Variants in HTR1A observed in about 807,000 individuals in gnomAD.
The protein encoded by HTR1A is 5-hydroxytryptamine receptor 1A.
Under a neutral mutation model 24.6 loss-of-function variants are expected in HTR1A, and 17 were observed. The observed-to-expected ratio is 0.69, with a 90% CI of 0.47 to 1.04. The LOEUF (loss-of-function observed/expected upper bound fraction) is 1.04. Ranked by LOEUF, HTR1A falls within the 50% of genes least tolerant of loss-of-function variation. HTR1A has a pLI of 0.00. For missense variants in HTR1A, 515 were observed against 565.1 expected (o/e 0.91, Z 0.90); for synonymous variants, 262 against 244.6 (o/e 1.07, Z -0.67).
At position 63,961,366 on chromosome 5, in the gene HTR1A, C is replaced by G; in HGVS notation, c.354G>C (p.Leu118=). The G allele has an allele frequency of 6.2e-7, 1 of 1,614,008 alleles. No homozygotes were observed. Among genetic ancestry groups the G allele is most frequent in the Non-Finnish European group, 8.5e-7 (1 of 1,179,904 alleles). Residue 118 remains leucine, a synonymous_variant, in exon 1 of 1, where the codon CTG becomes CTC. Coordinates refer to ENST00000323865, the MANE Select transcript of HTR1A (RefSeq NM_000524.4). ...GGTGCAAGATGGATGAGGTGCAGCA[C>G]AGCACGTCGAGGGCGATGAACAGGT... ...TCDLFIALDV[L]CCTSSILHLC...
Position 63,961,304 on chromosome 5 carries a change from G to A in HTR1A, c.416C>T (p.Thr139Met), listed in dbSNP as rs760931046. Reference sequence around the variant, plus strand: ...CTTGTTCACGTAGTCGATGGGGTCCGTGATGGCCCAGTACCTGTCCAGCGC... The same window carrying A: ...CTTGTTCACGTAGTCGATGGGGTCCATGATGGCCCAGTACCTGTCCAGCGC... ...AIALDRYWAI[T>M]DPIDYVNKRT... Residue 139 changes from threonine to methionine, a missense_variant, in exon 1 of 1, where the codon ACG (threonine) becomes ATG (methionine). Thr to Met is a moderately conservative substitution (Grantham distance 81). Coordinates refer to ENST00000323865, the MANE Select transcript of HTR1A (RefSeq NM_000524.4). 1.5e-5 allele frequency: 25 copies of A among 1,614,130 alleles called. No homozygotes were observed. The highest frequency in any genetic ancestry group is 8.8e-5 in the South Asian group (8 of 91,086).
chr5:63,961,698 G>T lies in HTR1A; in HGVS notation c.22C>A (p.Gln8Lys). The change falls in exon 1 of 1, where the codon CAG (glutamine) becomes AAG (lysine). Residue 8 changes from glutamine to lysine, a missense_variant. Coordinates refer to ENST00000323865, the MANE Select transcript of HTR1A (RefSeq NM_000524.4). ...GGTGGTGATGTGGTGTTGTTGCCCT[G>T]ACCAGGGCTGAGCACATCCATGCCT... MDVLSPG[Q>K]GNNTTSPPAP... 6.2e-7 allele frequency: 1 copy of T among 1,613,788 alleles called. No homozygotes were observed. The highest frequency in any genetic ancestry group is 1.1e-5 in the South Asian group (1 of 91,068).
At position 63,961,763 on chromosome 5, in the gene HTR1A, C is replaced by G. The variant is rs766809337; in HGVS notation, c.-44G>C. 6.3e-6 allele frequency: 10 copies of G among 1,599,332 alleles called. No individual in the cohort carries two copies. Among genetic ancestry groups the G allele is most frequent in the African/African-American group, 1.3e-5 (1 of 74,650 alleles). ...GGAAGGGGGAGGGAAGAAAAAGCAGCGCGAAGATTCGCCTCGCCCCTTCCC... is the reference window on the plus strand; with the variant it reads ...GGAAGGGGGAGGGAAGAAAAAGCAGGGCGAAGATTCGCCTCGCCCCTTCCC... On this transcript the variant is annotated 5_prime_UTR_variant, in exon 1 of 1. Transcript: ENST00000323865.
At position 63,960,552 on chromosome 5, in the gene HTR1A, A is replaced by G. The variant is rs778344352; in HGVS notation, c.1168T>C (p.Tyr390His). The change falls in exon 1 of 1, where the codon TAC (tyrosine) becomes CAC (histidine). Residue 390 changes from tyrosine to histidine, a missense_variant. Coordinates refer to ENST00000323865, the MANE Select transcript of HTR1A (RefSeq NM_000524.4). ...LLGAIINWLG[Y>H]SNSLLNPVIY... ...ACGGGGTTAAGCAGAGAGTTGGAGT[A>G]GCCCAGCCAATTGATTATGGCGCCC... The G allele has an allele frequency of 3.7e-6, 6 of 1,614,110 alleles. No homozygotes were observed. In the South Asian group the frequency reaches 6.6e-5, roughly 18 times the overall value.
At position 63,961,830 on chromosome 5, in the gene HTR1A, G is replaced by T; in HGVS notation, c.-111C>A. 2 of 1,112,264 alleles carry T rather than the reference G, an allele frequency of 1.8e-6. No homozygotes were observed. Among genetic ancestry groups the T allele is most frequent in the Non-Finnish European group, 2.7e-6 (2 of 742,128 alleles). 68.9% of individuals were successfully genotyped at this position (1,112,264 alleles called of 1,614,324 possible). A position where few individuals can be genotyped will look rare whatever the true frequency, so the allele number is the denominator to read the frequency against. On this transcript the variant is annotated 5_prime_UTR_variant, in exon 1 of 1. Transcript: ENST00000323865. The stretch of plus-strand genomic sequence containing the variant: ...TTCTCCTGGGAAGTTTCGGAGGAAG[G>T]GAATGCAGAGACCCAAGCAGGAAGT...
In HTR1A at chr5:63,961,998, G is replaced by A. The variant is rs1746451152; in HGVS notation, c.-279C>T. On this transcript the variant is annotated 5_prime_UTR_variant, in exon 1 of 1. Coordinates refer to ENST00000323865, the MANE Select transcript of HTR1A (RefSeq NM_000524.4). Reference sequence around the variant, plus strand: ...CTCCAGGATCTCCCGGCGGCGGAGAGGTGGCTGGAACGTCTGTCTGTCGCT... The same window carrying A: ...CTCCAGGATCTCCCGGCGGCGGAGAAGTGGCTGGAACGTCTGTCTGTCGCT... The A allele has an allele frequency of 1.9e-6, 1 of 533,972 alleles. No homozygotes were observed. The highest frequency in any genetic ancestry group is 3.4e-6 in the Non-Finnish European group (1 of 294,792). The allele number at this position is 533,972 out of a possible 1,614,324, so 33.1% of individuals were successfully genotyped here.
rs559053904 is a variant in HTR1A, at chr5:63,958,355, T to C, written c.*2096A>G. ...TGTTTAGCTGGGATATGATGTCTAC[T>C]TCCAGTTTAGAATACAGAAGCAGAC... On this transcript the variant is annotated 3_prime_UTR_variant, in exon 1 of 1. Coordinates refer to ENST00000323865, the MANE Select transcript of HTR1A (RefSeq NM_000524.4). Among the ~76,000 whole-genome samples, 1 of 152,330 alleles carries C rather than the reference T, an allele frequency of 6.6e-6. No homozygotes were observed. The highest frequency in any genetic ancestry group is 1.9e-4 in the East Asian group (1 of 5,178).
chr5:63,961,996 G>T lies in HTR1A; in HGVS notation c.-277C>A, dbSNP rs1238282049. ...AGCTCCAGGATCTCCCGGCGGCGGA[G>T]AGGTGGCTGGAACGTCTGTCTGTCG... is the stretch of plus-strand genomic sequence containing the variant. On this transcript the variant is annotated 5_prime_UTR_variant, in exon 1 of 1. Coordinates refer to ENST00000323865, the MANE Select transcript of HTR1A (RefSeq NM_000524.4). The T allele has an allele frequency of 1.9e-6, 1 of 534,486 alleles. No individual in the cohort carries two copies. Among genetic ancestry groups the T allele is most frequent in the Non-Finnish European group, 3.4e-6 (1 of 295,038 alleles). 33.1% of individuals were successfully genotyped at this position (534,486 alleles called of 1,614,324 possible).
rs143647030 is a variant in HTR1A, at chr5:63,960,919, C to A, written c.801G>T (p.Val267=). 1.2e-5 allele frequency: 20 copies of A among 1,614,052 alleles called. No homozygotes were observed. In the African/African-American group the frequency reaches 2.7e-4, roughly 21 times the overall value. ...ACAGAGCACCCCCAGCCTTGCTCTC[C>A]ACGCCCAGCCTCCAGTTCCTGCTCC... ...ESGSRNWRLG[V]ESKAGGALCA... Residue 267 remains valine (V), a synonymous_variant, in exon 1 of 1, where the codon GTG becomes GTT. Transcript: ENST00000323865.
Position 63,961,266 on chromosome 5 carries a change from G to C in HTR1A, c.454C>G (p.Arg152Gly). The C allele has an allele frequency of 1.2e-6, 2 of 1,614,162 alleles. No individual in the cohort carries two copies. The highest frequency in any genetic ancestry group is 1.7e-6 in the Non-Finnish European group (2 of 1,180,012). The part of the protein sequence containing the change: ...IDYVNKRTPR[R>G]AAALISLTWL... Reference sequence around the variant, plus strand: ...GTGAGCGAGATGAGCGCAGCGGCGCGCCGGGGCGTCCTCTTGTTCACGTAG... The same window carrying C: ...GTGAGCGAGATGAGCGCAGCGGCGCCCCGGGGCGTCCTCTTGTTCACGTAG... Residue 152 changes from arginine to glycine, a missense_variant, in exon 1 of 1, where the codon CGC (arginine) becomes GGC (glycine). By Grantham distance (125) the Arg-to-Gly change is moderately radical. Transcript: ENST00000323865.
At position 63,961,197 on chromosome 5, in the gene HTR1A, A is replaced by G; in HGVS notation, c.523T>C (p.Trp175Arg). ...TCCGAGCGGTCTTCCGGGGTGCGCC[A>G]GCCCAGCATGGGCGGGATAGAGATG... is the stretch of plus-strand genomic sequence containing the variant. ...FLISIPPMLG[W>R]RTPEDRSDPD... The change falls in exon 1 of 1, where the codon TGG becomes CGG. Residue 175 changes from tryptophan (W) to arginine (R), a missense_variant. Physicochemically the swap from Trp to Arg is moderately radical, Grantham distance 101 (BLOSUM62 -3). This residue lies in a region of HTR1A where 381 missense variants were observed against 384.5 expected (regional missense o/e 0.99). Transcript: ENST00000323865. The G allele has an allele frequency of 6.2e-7, 1 of 1,614,136 alleles. No individual in the cohort carries two copies. The highest frequency in any genetic ancestry group is 8.5e-7 in the Non-Finnish European group (1 of 1,180,038).
chr5:63,962,104 T>G lies in HTR1A; in HGVS notation c.-385A>C. The stretch of plus-strand genomic sequence containing the variant: ...AGCAAACAGTCTCCAATCCCAGAAA[T>G]ATCTAGAACCGAGAAGCCCCATCCT... On this transcript the variant is annotated 5_prime_UTR_variant, in exon 1 of 1. Transcript: ENST00000323865. 2.8e-6 allele frequency: 1 copy of G among 352,598 alleles called. No homozygotes were observed. The highest frequency in any genetic ancestry group is 5.4e-6 in the Non-Finnish European group (1 of 184,160). The allele number at this position is 352,598 out of a possible 1,614,324, so 21.8% of individuals were successfully genotyped here.
chr5:63,960,447 G>A lies in HTR1A; in HGVS notation c.*4C>T, dbSNP rs374458873. On this transcript the variant is annotated 3_prime_UTR_variant, in exon 1 of 1. Transcript: ENST00000323865. ...GCCTCGACTGGCCGGCTACTCCTCC[G>A]TCATCACTGGCGGCAGAACTTACAC... is the stretch of plus-strand genomic sequence containing the variant. 2.7e-5 allele frequency: 43 copies of A among 1,614,086 alleles called. No individual in the cohort carries two copies. In the African/African-American group the frequency reaches 4.3e-4, roughly 16 times the overall value.
rs745663182 is a variant in HTR1A, at chr5:63,961,739, G to A, written c.-20C>T. 1 of 1,613,546 alleles carries A rather than the reference G, an allele frequency of 6.2e-7. No individual in the cohort carries two copies. Among genetic ancestry groups the A allele is most frequent in the Admixed American group, 1.7e-5 (1 of 60,038 alleles). On this transcript the variant is annotated 5_prime_UTR_variant, in exon 1 of 1. Transcript: ENST00000323865. Reference sequence around the variant, plus strand: ...ATCCATGCCTGCGCGCCCGGCGCGGGAAGGGGGAGGGAAGAAAAAGCAGCG... The same window carrying A: ...ATCCATGCCTGCGCGCCCGGCGCGGAAAGGGGGAGGGAAGAAAAAGCAGCG...
At position 63,961,073 on chromosome 5, in the gene HTR1A, C is replaced by T. The variant is rs1273554893; in HGVS notation, c.647G>A (p.Gly216Glu). The T allele has an allele frequency of 6.2e-7, 1 of 1,614,208 alleles. No individual in the cohort carries two copies. ...IPLLLMLVLY[G>E]RIFRAARFRI... ...GAAGCGCGCAGCTCGGAATATGCGCCCATAGAGAACCAGCATGAGCAGCAG... is the reference window on the plus strand; with the variant it reads ...GAAGCGCGCAGCTCGGAATATGCGCTCATAGAGAACCAGCATGAGCAGCAG... The change falls in exon 1 of 1, where the codon GGG (glycine) becomes GAG (glutamate). Residue 216 changes from glycine to glutamate, a missense_variant. Gly to Glu is a moderately conservative substitution (Grantham distance 98). Coordinates refer to ENST00000323865, the MANE Select transcript of HTR1A (RefSeq NM_000524.4).
In HTR1A at chr5:63,960,545, T is replaced by G; in HGVS notation, c.1175A>C (p.Asn392Thr). 1 of 1,614,192 alleles carries G rather than the reference T, an allele frequency of 6.2e-7. No individual in the cohort carries two copies. The highest frequency in any genetic ancestry group is 8.5e-7 in the Non-Finnish European group (1 of 1,180,036). The change falls in exon 1 of 1, where the codon AAC becomes ACC. Residue 392 changes from asparagine to threonine, a missense_variant. This residue lies in a region of HTR1A where 381 missense variants were observed against 384.5 expected (regional missense o/e 0.99). Coordinates refer to ENST00000323865, the MANE Select transcript of HTR1A (RefSeq NM_000524.4). Reference sequence around the variant, plus strand: ...GTAAATGACGGGGTTAAGCAGAGAGTTGGAGTAGCCCAGCCAATTGATTAT... The same window carrying G: ...GTAAATGACGGGGTTAAGCAGAGAGGTGGAGTAGCCCAGCCAATTGATTAT... ...GAIINWLGYS[N>T]SLLNPVIYAY...
chr5:63,960,655 G>T lies in HTR1A; in HGVS notation c.1065C>A (p.Ile355=), dbSNP rs1746409684. The T allele has an allele frequency of 6.2e-7, 1 of 1,614,132 alleles. No individual in the cohort carries two copies. Among genetic ancestry groups the T allele is most frequent in the Non-Finnish European group, 8.5e-7 (1 of 1,180,048 alleles). Residue 355 remains isoleucine, a synonymous_variant, in exon 1 of 1, where the codon ATC becomes ATA. Coordinates refer to ENST00000323865, the MANE Select transcript of HTR1A (RefSeq NM_000524.4). Reference sequence around the variant, plus strand: ...CGATGAAGAAGGGCAGCCAGCAGAGGATGAAGGTGCCCATGATGATGCCCA... The same window carrying T: ...CGATGAAGAAGGGCAGCCAGCAGAGTATGAAGGTGCCCATGATGATGCCCA... The part of the protein sequence containing the change: ...KTLGIIMGTF[I]LCWLPFFIVA...
Position 63,960,461 on chromosome 5 carries a change from C to T in HTR1A, c.1259G>A (p.Cys420Tyr). ...GCTACTCCTCCGTCATCACTGGCGGCAGAACTTACACTTAATGATCTTCTT... is the reference window on the plus strand; with the variant it reads ...GCTACTCCTCCGTCATCACTGGCGGTAGAACTTACACTTAATGATCTTCTT... ...AFKKIIKCKF[C>Y]RQ The change falls in exon 1 of 1, where the codon TGC becomes TAC. Residue 420 changes from cysteine (C) to tyrosine (Y), a missense_variant. Transcript: ENST00000323865. 1.2e-6 allele frequency: 2 copies of T among 1,614,190 alleles called. No individual in the cohort carries two copies. The highest frequency in any genetic ancestry group is 2.2e-5 in the East Asian group (1 of 44,874).
chr5:63,958,609 C>G lies in HTR1A; in HGVS notation c.*1842G>C, dbSNP rs147543006. 1.2e-3 allele frequency among the ~76,000 whole-genome samples: 180 copies of G among 152,192 alleles called. 1 individual carries two copies. The highest frequency in any genetic ancestry group is 4.1e-3 in the African/African-American group (172 of 41,530). On this transcript the variant is annotated 3_prime_UTR_variant, in exon 1 of 1. Transcript: ENST00000323865. ...TTGTGAATTTTCTGGAAAACAAGAC[C>G]ATTATTCATAAGAAAATTGGAGGCT...
Sources: allele counts gnomAD v4.1 joint callset (sites outside exome capture counted in the v4.1 genomes callset), GRCh38; gene constraint gnomAD v4.1.1; regional missense constraint gnomAD v4.1.1; transcripts MANE v1.5; gene names NCBI Gene and HGNC (gene_info 2026-07-23, HGNC 2026-07-21).